MAN1C1: variants seen among roughly 807,000 people sequenced by gnomAD.
MAN1C1 encodes mannosidase alpha class 1C member 1.
MAN1C1 carries 49 observed loss-of-function variants against 71.5 expected under a neutral mutation model. The ratio of observed to expected loss-of-function variants is 0.69; its 90% CI spans 0.54 to 0.87. MAN1C1 has a LOEUF of 0.87. MAN1C1 is among the 40% of genes least tolerant of loss of function. The probability of loss-of-function intolerance (pLI) is 0.00; values close to 1 mark genes in which losing one functional copy is unlikely to be tolerated. For missense variants in MAN1C1, 743 were observed against 835.0 expected (o/e 0.89, Z 1.36); for synonymous variants, 352 against 343.7 (o/e 1.02, Z -0.27).
intron 1 of MAN1C1, among the ~76,000 whole-genome samples, chr1:25,657,485 C>T (rs959758447): frequency 6.6e-6 from 1 of 152,244 alleles, no homozygotes; most frequent in Non-Finnish European, 1.5e-5. Flanking sequence ...TCTAGTGAAT[C>T]ATCCGCACAC....
In MAN1C1 at chr1:25,643,253, AATTT is replaced by A. The variant is rs71014379; in HGVS notation, c.540+24922_540+24925del. ...CTTTTAATTAATTAATTAATTAATT[AATTT>A]ATTTACTTACCTTTGAAACAGAGTT... is the stretch of plus-strand genomic sequence containing the variant. On this transcript the variant is annotated intron_variant, in intron 1 of 11. Transcript: ENST00000374332. 1.8e-3 allele frequency among the ~76,000 whole-genome samples: 272 copies of A among 148,974 alleles called. 2 individuals are homozygous for A. The highest frequency in any genetic ancestry group is 5.7e-3 in the African/African-American group (228 of 40,184).
intron 5 of MAN1C1, among the ~76,000 whole-genome samples, chr1:25,754,523 C>T (rs1167893511): frequency 6.6e-6 from 1 of 151,760 alleles, no homozygotes; most frequent in African/African-American, 2.4e-5. Context: ...ATTGGAATCT[C>T]ACCATAGGCC....
At chr1:25,702,172 G>A (rs2046453961) in intron 2 of MAN1C1, among the ~76,000 whole-genome samples, 2 of 152,190 alleles carry the variant, frequency 1.3e-5, no homozygotes, top group African/African-American at 4.8e-5. Context: ...ACGATCGCCG[G>A]CCTAAGAGGA....
intron 6 of MAN1C1, among the ~76,000 whole-genome samples, chr1:25,762,748 A>G (rs561271764): frequency 6.6e-6 from 1 of 152,104 alleles, no homozygotes; most frequent in East Asian, 1.9e-4. Context: ...TTTTTTATTC[A>G]TTCATCTGTT....
At chr1:25,627,117 A>G (rs2045306353) in intron 1 of MAN1C1, among the ~76,000 whole-genome samples, 2 of 152,166 alleles carry the variant, frequency 1.3e-5, no homozygotes, top group Admixed American at 1.3e-4. Flanking sequence ...GTTTATCACT[A>G]TTTGTTGAAA....
chr1:25,623,034 G>T (rs1277535647), intron 1 of MAN1C1, among the ~76,000 whole-genome samples: 3 of 152,170 alleles, frequency 2.0e-5, no homozygotes, highest in Non-Finnish European at 4.4e-5. Flanking sequence ...TGTTTGAGTT[G>T]TAAATCCATT....
Position 25,617,911 on chromosome 1 carries a change from G to A in MAN1C1, c.114G>A (p.Gly38=), listed in dbSNP as rs2045130754. 6.2e-7 allele frequency: 1 copy of A among 1,607,676 alleles called. No individual in the cohort carries two copies. Among genetic ancestry groups the A allele is most frequent in the African/African-American group, 1.3e-5 (1 of 74,320 alleles). ...CGGGCCTGGTCACCCTGTGCTTCGG[G>A]GCCCTCTTCCTGCTGCCCCACTCCT... ...FLSGLVTLCF[G]ALFLLPHSSR... The change falls in exon 1 of 12, where the codon GGG becomes GGA. Residue 38 remains glycine, a synonymous_variant. Transcript: ENST00000374332. The surrounding 1 kb of genome is among the most constrained non-coding windows in gnomAD (Gnocchi z 5.1).
intron 1 of MAN1C1, among the ~76,000 whole-genome samples, chr1:25,666,343 G>C (rs950175637): frequency 2.0e-5 from 3 of 152,260 alleles, no homozygotes; most frequent in South Asian, 2.1e-4. Flanking sequence ...CAGGAGGGGG[G>C]CTGTTGAATT....
intron 6 of MAN1C1, 198 bp downstream of exon 6, chr1:25,758,907 G>T (rs12130495): frequency 0.068 from 39,831 of 584,942 alleles, 1,667 homozygotes; most frequent in African/African-American, 0.11. Context: ...AGGTGAGCAC[G>T]CAGAGTCAAT....
At chr1:25,763,782 A>G (rs1297244743) in intron 6 of MAN1C1, 92 bp from the exon 7 acceptor site, 2 of 1,010,956 alleles carry the variant, frequency 2.0e-6, no homozygotes, top group South Asian at 2.6e-5. Context: ...TCCTCCATGC[A>G]TCTGAACCAG....
In MAN1C1 at chr1:25,775,206, C is replaced by T. The variant is rs1047059663; in HGVS notation, c.1258-2899C>T. Among the ~76,000 whole-genome samples the T allele has an allele frequency of 3.3e-5, 5 of 152,206 alleles. No homozygotes were observed. Among genetic ancestry groups the T allele is most frequent in the African/African-American group, 9.7e-5 (4 of 41,450 alleles). ...GAGCCCTGACACTCCTCCCCTGCAC[C>T]GCAGGCTTAGTGACGCCGAGCAGCT... On this transcript the variant is annotated intron_variant, in intron 8 of 11. Transcript: ENST00000374332. The surrounding 1 kb of genome is among the most constrained non-coding windows in gnomAD (Gnocchi z 5.1).
At chr1:25,768,961 C>G (rs1187379743) in intron 7 of MAN1C1, among the ~76,000 whole-genome samples, 1 of 127,926 alleles carries the variant, frequency 7.8e-6, no homozygotes, top group Non-Finnish European at 1.7e-5. Context: ...CCCCTACACA[C>G]ACCCCCACAC....
chr1:25,695,054 C>G (rs950400210), intron 2 of MAN1C1, among the ~76,000 whole-genome samples: 2 of 152,072 alleles, frequency 1.3e-5, no homozygotes, highest in African/African-American at 4.8e-5. Flanking sequence ...CTGAAAATAC[C>G]ATAACTACTT....
chr1:25,633,962 G>T (rs2045421916), intron 1 of MAN1C1, among the ~76,000 whole-genome samples: 1 of 152,128 alleles, frequency 6.6e-6, no homozygotes, highest in African/African-American at 2.4e-5. Flanking sequence ...TGTAGGGCTG[G>T]TCTGGTAGTG....
chr1:25,640,635 C>A (rs1369815508), intron 1 of MAN1C1, among the ~76,000 whole-genome samples: 2 of 152,124 alleles, frequency 1.3e-5, no homozygotes, highest in Non-Finnish European at 2.9e-5. Context: ...TATAAGGAAA[C>A]CCTTTGTAGA....
chr1:25,678,443 A>G (rs1643333550), intron 1 of MAN1C1, among the ~76,000 whole-genome samples: 1 of 152,228 alleles, frequency 6.6e-6, no homozygotes, highest in Non-Finnish European at 1.5e-5. Context: ...CAAGTGAACT[A>G]CTTTACCGTA....
intron 11 of MAN1C1, 147 bp from the exon 12 acceptor site, chr1:25,783,516 C>T (rs2047725512): frequency 2.4e-6 from 2 of 833,304 alleles, no homozygotes; most frequent in Non-Finnish European, 3.8e-6. Flanking sequence ...CACCCCCACC[C>T]TGCTGCCCAC....
chr1:25,634,523 T>C lies in MAN1C1; in HGVS notation c.540+16186T>C, dbSNP rs925479159. ...CAGTCAATACAGTGAATTATATTTTTAAAAGAATGCTAGGCTGGACACATG... is the reference window on the plus strand; with the variant it reads ...CAGTCAATACAGTGAATTATATTTTCAAAAGAATGCTAGGCTGGACACATG... On this transcript the variant is annotated intron_variant, in intron 1 of 11. Coordinates refer to ENST00000374332, the MANE Select transcript of MAN1C1 (RefSeq NM_020379.4). The surrounding 1 kb of genome is among the most constrained non-coding windows in gnomAD (Gnocchi z 4.6). Among the ~76,000 whole-genome samples the C allele has an allele frequency of 9.2e-5, 14 of 152,210 alleles. No individual in the cohort carries two copies. The highest frequency in any genetic ancestry group is 1.8e-4 in the Non-Finnish European group (12 of 68,042).
Position 25,753,385 on chromosome 1 carries a change from C to A in MAN1C1, c.835-99C>A. On this transcript the variant is annotated intron_variant, in intron 4 of 11. Transcript: ENST00000374332. The surrounding 1 kb of genome is among the most constrained non-coding windows in gnomAD (Gnocchi z 4.9). ...TGCAGCACTGCCCCCTACTCTAGAC[C>A]TGCAGCCCTGGGGGGTTCATCCTGC... is the stretch of plus-strand genomic sequence containing the variant. 1.2e-6 allele frequency: 1 copy of A among 822,116 alleles called. No individual in the cohort carries two copies. Among genetic ancestry groups the A allele is most frequent in the Non-Finnish European group, 1.9e-6 (1 of 526,810 alleles). 50.9% of individuals were successfully genotyped at this position (822,116 alleles called of 1,614,324 possible).
Sources: allele counts gnomAD v4.1 joint callset (sites outside exome capture counted in the v4.1 genomes callset), GRCh38; gene constraint gnomAD v4.1.1; non-coding constraint Gnocchi (gnomAD v3.1); transcripts MANE v1.5; gene names NCBI Gene and HGNC (gene_info 2026-07-23, HGNC 2026-07-21).